BMPR2: variants seen among roughly 807,000 people sequenced by gnomAD.
BMPR2 encodes the protein bone morphogenetic protein receptor type 2.
A neutral mutation model predicts 100.8 loss-of-function variants in BMPR2; 29 were observed. The ratio of observed to expected loss-of-function variants is 0.29; its 90% CI spans 0.21 to 0.39. The LOEUF (loss-of-function observed/expected upper bound fraction) is 0.39, where lower values mean the gene tolerates loss of function less well. Among genes scored for constraint, BMPR2 ranks in the 10% least tolerant of loss-of-function variants. BMPR2 has a pLI of 1.00. For synonymous variants in BMPR2, 382 were observed against 442.3 expected, an observed-to-expected ratio of 0.86 and a Z score of 1.71; for missense variants, 1,011 against 1,274.5, an observed-to-expected ratio of 0.79 and a Z score of 3.15.
chr2:202,508,777 C>G (rs2105998149), intron 3 of BMPR2, among the ~76,000 whole-genome samples: 1 of 152,286 alleles, frequency 6.6e-6, no homozygotes. Flanking sequence ...AAAACTAGAA[C>G]AAGCAACCTT....
chr2:202,463,327 T>C lies in BMPR2; in HGVS notation c.77-1482T>C, dbSNP rs193079091. Among the ~76,000 whole-genome samples the C allele has an allele frequency of 2.0e-5, 3 of 152,344 alleles. No homozygotes were observed. The East Asian group carries it at 5.8e-4, about 29-fold the overall frequency. On this transcript the variant is annotated intron_variant, in intron 1 of 12. Transcript: ENST00000374580. ...GACACTAAAGTTCTTTTCAGTGTTC[T>C]AATCCTATGAATCATGTCTAGAATA...
At chr2:202,486,460 C>G (rs1333718018) in intron 3 of BMPR2, among the ~76,000 whole-genome samples, 3 of 152,058 alleles carry the variant, frequency 2.0e-5, no homozygotes, top group African/African-American at 7.2e-5. Context: ...GAAACCCCAT[C>G]CCTACTAAAA....
intron 11 of BMPR2, among the ~76,000 whole-genome samples, chr2:202,554,540 T>C (rs1375716810): frequency 6.6e-6 from 1 of 152,206 alleles, no homozygotes; most frequent in Non-Finnish European, 1.5e-5. Context: ...TTTTTCTTCT[T>C]TTCCTTCTAT....
At chr2:202,415,569 A>C (rs1247627026) in intron 1 of BMPR2, among the ~76,000 whole-genome samples, 3 of 152,352 alleles carry the variant, frequency 2.0e-5, no homozygotes, top group Admixed American at 6.5e-5. Context: ...TTAGGGGCTA[A>C]TACAGCTGGT....
chr2:202,405,299 A>G (rs909802393), intron 1 of BMPR2, among the ~76,000 whole-genome samples: 2 of 152,170 alleles, frequency 1.3e-5, no homozygotes, highest in African/African-American at 4.8e-5. Flanking sequence ...TTCATTCTGT[A>G]GAAGTCCAGA....
chr2:202,404,388 G>T (rs1690840222), intron 1 of BMPR2, among the ~76,000 whole-genome samples: 1 of 151,936 alleles, frequency 6.6e-6, no homozygotes, highest in African/African-American at 2.4e-5. Context: ...TAGAGACAGG[G>T]TTTCACCATG....
chr2:202,493,733 C>T (rs1051458257), intron 3 of BMPR2, among the ~76,000 whole-genome samples: 8 of 152,068 alleles, frequency 5.3e-5, no homozygotes, highest in African/African-American at 1.9e-4. Context: ...GAATGTTTTT[C>T]CCATTTTTTC....
chr2:202,401,678 A>G (rs1690771192), intron 1 of BMPR2, among the ~76,000 whole-genome samples: 1 of 152,232 alleles, frequency 6.6e-6, no homozygotes, highest in Admixed American at 6.5e-5. Flanking sequence ...TTATTTTTAA[A>G]GCAAAAGGTG....
At chr2:202,462,599 G>A (rs1175878515) in intron 1 of BMPR2, among the ~76,000 whole-genome samples, 1 of 150,992 alleles carries the variant, frequency 6.6e-6, no homozygotes, top group Non-Finnish European at 1.5e-5. Context: ...ATTGAACCAG[G>A]CTTGCATATC....
At chr2:202,518,769 T>C (rs1687764942) in intron 5 of BMPR2, 53 bp from the exon 6 acceptor site, 2 of 1,394,274 alleles carry the variant, frequency 1.4e-6, no homozygotes, top group South Asian at 1.2e-5. Context: ...ATTTAGTAAA[T>C]TTGATTGTTC....
intron 5 of BMPR2, 25 bp from the exon 6 acceptor site, chr2:202,518,797 C>T (rs202163624): frequency 6.3e-7 from 1 of 1,581,546 alleles, no homozygotes; most frequent in East Asian, 2.2e-5. Flanking sequence ...ATATTAATAC[C>T]TTGCTTTCTT....
Position 202,542,435 on chromosome 2 carries a change from A to G in BMPR2, c.1401A>G (p.Lys467=), listed in dbSNP as rs2106031025. The change falls in exon 10 of 13, where the codon AAA becomes AAG. Residue 467 remains lysine, a synonymous_variant. Transcript: ENST00000374580. ...GACCCAAGTTCCCAGAAGCCTGGAA[A>G]GAAAATAGCCTGGTAAGAAAAAACT... ...KQRPKFPEAW[K]ENSLAVRSLK... 6.2e-7 allele frequency: 1 copy of G among 1,614,118 alleles called. No individual in the cohort carries two copies.
chr2:202,389,073 A>G (rs1011238704), intron 1 of BMPR2, among the ~76,000 whole-genome samples: 7 of 151,690 alleles, frequency 4.6e-5, no homozygotes, highest in African/African-American at 1.7e-4. Flanking sequence ...TCTACAAACA[A>G]TTTTTAAAAA....
chr2:202,476,485 A>G (rs1291817360), intron 3 of BMPR2, among the ~76,000 whole-genome samples: 1 of 152,200 alleles, frequency 6.6e-6, no homozygotes, highest in Non-Finnish European at 1.5e-5. Flanking sequence ...AGTAACAAGC[A>G]TCTTTAAAAT....
At chr2:202,504,225 C>T (rs1417376422) in intron 3 of BMPR2, among the ~76,000 whole-genome samples, 1 of 152,144 alleles carries the variant, frequency 6.6e-6, no homozygotes, top group Non-Finnish European at 1.5e-5. Flanking sequence ...GGTCCCCTTC[C>T]ACACTGTGGA....
In BMPR2 at chr2:202,534,819, A is replaced by G. The variant is rs1574495745; in HGVS notation, c.1276+2087A>G. On this transcript the variant is annotated intron_variant, in intron 9 of 12. Transcript: ENST00000374580. ...TGGTGGCCGGGCAGAGAGGCTCCTC[A>G]CCTCCCGGACGGGGCGGCTGGCCAG... is the stretch of plus-strand genomic sequence containing the variant. Among the ~76,000 whole-genome samples, 3 of 144,818 alleles carry G rather than the reference A, an allele frequency of 2.1e-5. No homozygotes were observed. The South Asian group carries it at 6.6e-4, about 32-fold the overall frequency.
At position 202,520,142 on chromosome 2, in the gene BMPR2, G is replaced by A. The variant is rs200948870; in HGVS notation, c.908G>A (p.Arg303His). 66 of 1,612,518 alleles carry A rather than the reference G, an allele frequency of 4.1e-5. No individual in the cohort carries two copies. Among genetic ancestry groups the A allele is most frequent in the Middle Eastern group, 1.7e-4 (1 of 6,058 alleles). ...ACAAGTGACTGGGTAAGCTCTTGCC[G>A]TCTTGCTCATTCTGTTACTAGAGGA... The part of the protein sequence containing the change: ...LHTSDWVSSC[R>H]LAHSVTRGLA... The change falls in exon 7 of 13, where the codon CGT becomes CAT. Residue 303 changes from arginine to histidine, a missense_variant. Arg to His is a conservative substitution (Grantham distance 29). Transcript: ENST00000374580.
chr2:202,473,071 T>C (rs1053145276), intron 3 of BMPR2, among the ~76,000 whole-genome samples: 6 of 152,188 alleles, frequency 3.9e-5, no homozygotes, highest in Admixed American at 6.6e-5. Flanking sequence ...AAAGAAAATA[T>C]AAAAATCAGA....
chr2:202,492,756 C>T (rs563708854), intron 3 of BMPR2, among the ~76,000 whole-genome samples: 6 of 140,440 alleles, frequency 4.3e-5, no homozygotes, highest in South Asian at 4.7e-4. Context: ...AATCAGTGTG[C>T]GAAGTGGGAA....
Sources: allele counts gnomAD v4.1 joint callset (sites outside exome capture counted in the v4.1 genomes callset), GRCh38; gene constraint gnomAD v4.1.1; transcripts MANE v1.5; gene names NCBI Gene and HGNC (gene_info 2026-07-23, HGNC 2026-07-21).